PTPRT: variants seen among roughly 807,000 people sequenced by gnomAD.
PTPRT encodes protein tyrosine phosphatase receptor type T, also known as receptor-type tyrosine-protein phosphatase T.
PTPRT carries 56 observed loss-of-function variants against 176.8 expected under a neutral mutation model. That is an observed-to-expected ratio of 0.32 (90% CI 0.26 to 0.40). The LOEUF is 0.40. Ranked by LOEUF, PTPRT falls within the 10% of genes least tolerant of loss-of-function variation. The pLI, the probability that PTPRT is intolerant of heterozygous loss-of-function variation, is 1.00. For missense variants in PTPRT, 1,540 were observed against 1,908.2 expected (o/e 0.81, Z 3.60); for synonymous variants, 783 against 739.0 (o/e 1.06, Z -0.96).
intron 1 of PTPRT, among the ~76,000 whole-genome samples, chr20:43,104,699 T>C (rs1277524255): frequency 6.6e-6 from 1 of 152,194 alleles, no homozygotes; most frequent in African/African-American, 2.4e-5. Flanking sequence ...ACAGTGTCAG[T>C]GAGAAGACTA....
rs1009402331 is a variant in PTPRT at position 43,188,752 on chromosome 20, G to C, written c.88+894C>G. Reference sequence around the variant, plus strand: ...CTCTTCCCTCCGCCGCTACTCTTGGGGGGGGGGGGGCTCGGGGGTGGAAGC... The same window carrying C: ...CTCTTCCCTCCGCCGCTACTCTTGGCGGGGGGGGGGCTCGGGGGTGGAAGC... On this transcript the variant is annotated intron_variant, in intron 1 of 30. Transcript: ENST00000373187. 2.2e-4 allele frequency among the ~76,000 whole-genome samples: 30 copies of C among 135,934 alleles called. 3 individuals carry two copies. The highest frequency in any genetic ancestry group is 3.7e-4 in the African/African-American group (14 of 37,850). 89.2% of individuals were successfully genotyped at this position (135,934 alleles called of 152,430 possible).
At chr20:43,065,600 T>C (rs1021933650) in intron 1 of PTPRT, among the ~76,000 whole-genome samples, 3 of 152,176 alleles carry the variant, frequency 2.0e-5, no homozygotes, top group Admixed American at 2.0e-4. Flanking sequence ...AAATGAAATT[T>C]CCCAGAACTA....
At chr20:42,937,676 A>T (rs1236717162) in intron 1 of PTPRT, among the ~76,000 whole-genome samples, 1 of 152,220 alleles carries the variant, frequency 6.6e-6, no homozygotes, top group African/African-American at 2.4e-5. Flanking sequence ...TCTTCATTTG[A>T]CACTGATGAG....
At chr20:42,229,370 T>C (rs2056086903) in intron 15 of PTPRT, among the ~76,000 whole-genome samples, 1 of 152,230 alleles carries the variant, frequency 6.6e-6, no homozygotes, top group African/African-American at 2.4e-5. Context: ...ATTAACATGT[T>C]TGCTGTTGAT....
intron 1 of PTPRT, among the ~76,000 whole-genome samples, chr20:42,897,588 AT>A (rs1212543922): frequency 6.6e-6 from 1 of 152,208 alleles, no homozygotes. Flanking sequence ...CACATATTAA[AT>A]AAAGAGTTCA....
chr20:42,711,811 G>A (rs2076148619), intron 6 of PTPRT, among the ~76,000 whole-genome samples: 1 of 151,038 alleles, frequency 6.6e-6, no homozygotes, highest in Admixed American at 6.6e-5. Context: ...ATCCTATCTA[G>A]TATAGCTTTA....
chr20:42,299,590 G>A (rs572525782), intron 12 of PTPRT, among the ~76,000 whole-genome samples: 4 of 148,360 alleles, frequency 2.7e-5, no homozygotes, highest in African/African-American at 9.9e-5. Flanking sequence ...AGTGAAGGCT[G>A]GAATAAACTC....
Position 42,080,121 on chromosome 20 carries a change from G to A in PTPRT, c.*758C>T, listed in dbSNP as rs1389747383. On this transcript the variant is annotated 3_prime_UTR_variant, in exon 31 of 31. Transcript: ENST00000373187. ...CAGGGAGGTGGTCCCTTTTTACAAA[G>A]ACAAGGAGGAGCAGAGAAGTTCCCT... 1 of 232,986 alleles carries A rather than the reference G, an allele frequency of 4.3e-6. No individual in the cohort carries two copies. Among genetic ancestry groups the A allele is most frequent in the Non-Finnish European group, 8.5e-6 (1 of 117,868 alleles). 14.4% of individuals were successfully genotyped at this position (232,986 alleles called of 1,614,324 possible).
In PTPRT at chr20:42,080,217, C is replaced by T. The variant is rs1363280695; in HGVS notation, c.*662G>A. 3 of 233,042 alleles carry T rather than the reference C, an allele frequency of 1.3e-5. No individual in the cohort carries two copies. Among genetic ancestry groups the T allele is most frequent in the Non-Finnish European group, 2.5e-5 (3 of 118,026 alleles). The allele number at this position is 233,042 out of a possible 1,614,324, so 14.4% of individuals were successfully genotyped here. On this transcript the variant is annotated 3_prime_UTR_variant, in exon 31 of 31. Coordinates refer to ENST00000373187, the MANE Select transcript of PTPRT (RefSeq NM_007050.6). ...CCTTTATCAAAAACTGCTGTGGACA[C>T]AGCTGGCCGGCCAGTGAATGCTGGA...
chr20:42,912,653 T>C (rs1256915117), intron 1 of PTPRT, among the ~76,000 whole-genome samples: 1 of 152,240 alleles, frequency 6.6e-6, no homozygotes, highest in Non-Finnish European at 1.5e-5. Context: ...TTGATCCTTT[T>C]GTTAAATTAT....
At chr20:42,631,205 C>T (rs150392779) in intron 7 of PTPRT, among the ~76,000 whole-genome samples, 2 of 152,126 alleles carry the variant, frequency 1.3e-5, no homozygotes, top group African/African-American at 4.8e-5. Flanking sequence ...CTAACACTGG[C>T]GAGAGTGGGG....
rs1600771978 is a variant in PTPRT, at chr20:43,174,756, C to T, written c.88+14890G>A. ...TGTTTGAAATGAACAATCCTGGAAA[C>T]AGGTTGCTTTATCTCCTGGACCTGG... On this transcript the variant is annotated intron_variant, in intron 1 of 30. Transcript: ENST00000373187. Among the ~76,000 whole-genome samples, 3 of 152,320 alleles carry T rather than the reference C, an allele frequency of 2.0e-5. No individual in the cohort carries two copies. The East Asian group carries it at 5.8e-4, about 29-fold the overall frequency.
chr20:42,884,539 C>G (rs6093754), intron 2 of PTPRT, among the ~76,000 whole-genome samples: 1 of 152,068 alleles, frequency 6.6e-6, no homozygotes, highest in Non-Finnish European at 1.5e-5. Flanking sequence ...TGTAAAATTC[C>G]TGAGACATCT....
At chr20:42,915,982 A>G (rs1012022067) in intron 1 of PTPRT, among the ~76,000 whole-genome samples, 5 of 151,822 alleles carry the variant, frequency 3.3e-5, no homozygotes, top group Non-Finnish European at 7.4e-5. Flanking sequence ...TTATTATTAT[A>G]CTTTAAGTTT....
chr20:42,879,183 C>T (rs368629709), intron 2 of PTPRT, among the ~76,000 whole-genome samples: 1 of 152,144 alleles, frequency 6.6e-6, no homozygotes, highest in South Asian at 2.1e-4. Context: ...TTAAAAATTA[C>T]CATGAGCTGG....
chr20:42,433,534 G>A (rs551167419), intron 9 of PTPRT, among the ~76,000 whole-genome samples: 1 of 152,256 alleles, frequency 6.6e-6, no homozygotes, highest in East Asian at 1.9e-4. Flanking sequence ...AGCATGCCCT[G>A]ATTGATTATT....
intron 1 of PTPRT, among the ~76,000 whole-genome samples, chr20:43,008,224 T>A (rs1348405776): frequency 6.6e-6 from 1 of 152,116 alleles, no homozygotes; most frequent in Non-Finnish European, 1.5e-5. Flanking sequence ...GAAGTTCTCA[T>A]GAATAGGATT....
At chr20:42,066,414 C>A in the PTPRT span, among the ~76,000 whole-genome samples, 1 of 147,846 alleles carries the variant, frequency 6.8e-6, no homozygotes, top group East Asian at 2.0e-4. Flanking sequence ...TAGTAAAAAT[C>A]TTCACATTTA....
intron 13 of PTPRT, among the ~76,000 whole-genome samples, chr20:42,278,454 G>A (rs1224476691): frequency 6.6e-6 from 1 of 151,812 alleles, no homozygotes. Context: ...GGAGGCTGGA[G>A]GGAGGAAGGG....
Sources: gnomAD v4.1 joint callset for allele counts (sites outside exome capture counted in the v4.1 genomes callset) on GRCh38, gnomAD v4.1.1 for gene constraint, MANE v1.5 for transcripts, NCBI Gene and HGNC (gene_info 2026-07-23, HGNC 2026-07-21) for gene names.